Variants in HDAC4 observed in about 807,000 individuals in gnomAD.
The protein encoded by HDAC4 is histone deacetylase 4.
A neutral mutation model predicts 135.1 loss-of-function variants in HDAC4; 16 were observed. The ratio of observed to expected loss-of-function variants is 0.12; its 90% CI spans 0.08 to 0.18. The LOEUF is 0.18. HDAC4 is among the 10% of genes least tolerant of loss of function. HDAC4 has a pLI of 1.00. For missense variants in HDAC4, 1,143 were observed against 1,511.8 expected (o/e 0.76, Z 4.05); for synonymous variants, 685 against 653.4 (o/e 1.05, Z -0.74).
At chr2:239,119,645 G>A (rs575603467) in intron 12 of HDAC4, among the ~76,000 whole-genome samples, 1 of 152,044 alleles carries the variant, frequency 6.6e-6, no homozygotes, top group African/African-American at 2.4e-5. Flanking sequence ...GAGGGTGCGG[G>A]GACCAGACCT....
At chr2:239,280,847 CACAATGTACACACCTCT>C (rs1456971277) in intron 2 of HDAC4, among the ~76,000 whole-genome samples, 3 of 140,066 alleles carry the variant, frequency 2.1e-5, no homozygotes, top group African/African-American at 9.4e-5. Flanking sequence ...CCACTCTCCA[CACAATGTACACACCTCT>C]ACAATGTACA....
intron 3 of HDAC4, among the ~76,000 whole-genome samples, chr2:239,222,867 A>C (rs935574151): frequency 6.6e-6 from 1 of 152,204 alleles, no homozygotes; most frequent in Non-Finnish European, 1.5e-5. Flanking sequence ...CGGGAGATGC[A>C]GCCAGTAAGC....
chr2:239,058,243 A>G (rs1483173418), intron 24 of HDAC4, among the ~76,000 whole-genome samples: 1 of 152,248 alleles, frequency 6.6e-6, no homozygotes, highest in Non-Finnish European at 1.5e-5. Flanking sequence ...AATAGGTTGC[A>G]TATCTTTGGA....
chr2:239,164,530 G>A (rs1014630094), intron 5 of HDAC4, among the ~76,000 whole-genome samples: 3 of 152,176 alleles, frequency 2.0e-5, no homozygotes, highest in Non-Finnish European at 4.4e-5. Flanking sequence ...CTTTTTCAAA[G>A]CCTCATTAAA....
intron 3 of HDAC4, among the ~76,000 whole-genome samples, chr2:239,206,425 T>C (rs1465662098): frequency 6.6e-6 from 1 of 151,914 alleles, no homozygotes; most frequent in Non-Finnish European, 1.5e-5. Context: ...CACATGGGTA[T>C]GGCTGGTTGC....
At position 239,370,643 on chromosome 2, in the gene HDAC4, G is replaced by A. The variant is rs1019002785; in HGVS notation, c.-219-17725C>T. The stretch of plus-strand genomic sequence containing the variant: ...TAGTGCAGAGCTGATCCTGCACAGC[G>A]GCCTCCGGGAGAGCAGGACTCTTGT... On this transcript the variant is annotated intron_variant, in intron 1 of 26. Coordinates refer to ENST00000543185, the MANE Select transcript of HDAC4 (RefSeq NM_001378414.1). 5.9e-5 allele frequency among the ~76,000 whole-genome samples: 9 copies of A among 152,214 alleles called. No homozygotes were observed. In the South Asian group the frequency reaches 1.0e-3, roughly 18 times the overall value.
At position 239,183,071 on chromosome 2, in the gene HDAC4, C is replaced by T. The variant is rs1244300269; in HGVS notation, c.340-6508G>A. 2.6e-5 allele frequency among the ~76,000 whole-genome samples: 4 copies of T among 152,198 alleles called. No individual in the cohort carries two copies. In the East Asian group the frequency reaches 7.7e-4, roughly 29 times the overall value. Reference sequence around the variant, plus strand: ...AGGGCTGTTGGGAAGCAATTTTTTGCAGACTGAAACTATAATGAGCAATTT... The same window carrying T: ...AGGGCTGTTGGGAAGCAATTTTTTGTAGACTGAAACTATAATGAGCAATTT... On this transcript the variant is annotated intron_variant, in intron 4 of 26. Coordinates refer to ENST00000543185, the MANE Select transcript of HDAC4 (RefSeq NM_001378414.1).
intron 19 of HDAC4, among the ~76,000 whole-genome samples, chr2:239,085,250 A>G (rs1474655163): frequency 1.3e-5 from 2 of 152,190 alleles, no homozygotes; most frequent in African/African-American, 4.8e-5. Flanking sequence ...ATTCCAATAC[A>G]TAAATTACCT....
chr2:239,363,681 C>A (rs1387943641), intron 1 of HDAC4, among the ~76,000 whole-genome samples: 1 of 152,042 alleles, frequency 6.6e-6, no homozygotes, highest in Non-Finnish European at 1.5e-5. Flanking sequence ...CAAAGATAGA[C>A]AGATGTTAAA....
In HDAC4 at chr2:239,148,568, C is replaced by T. The variant is rs112744589; in HGVS notation, c.734-3854G>A. On this transcript the variant is annotated intron_variant, in intron 7 of 26. Coordinates refer to ENST00000543185, the MANE Select transcript of HDAC4 (RefSeq NM_001378414.1). Reference sequence around the variant, plus strand: ...GGCAACAGCCACATCGAGGGCAAGACGATGACCTGAAAACCCTGCAGGAAA... The same window carrying T: ...GGCAACAGCCACATCGAGGGCAAGATGATGACCTGAAAACCCTGCAGGAAA... Among the ~76,000 whole-genome samples the T allele has an allele frequency of 3.8e-3, 572 of 152,314 alleles. 7 individuals are homozygous for T. Among genetic ancestry groups the T allele is most frequent in the African/African-American group, 0.013 (551 of 41,566 alleles).
intron 6 of HDAC4, among the ~76,000 whole-genome samples, chr2:239,158,947 A>G (rs771712457): frequency 2.3e-4 from 35 of 151,806 alleles, no homozygotes; most frequent in Middle Eastern, 3.4e-3. Flanking sequence ...AACTGGTAAC[A>G]CTCACATCCG....
rs559514004 is a variant in HDAC4 at position 239,157,957 on chromosome 2, C to T, written c.612-1184G>A. On this transcript the variant is annotated intron_variant, in intron 6 of 26. Coordinates refer to ENST00000543185, the MANE Select transcript of HDAC4 (RefSeq NM_001378414.1). ...CGGAAAACTGCACAGCTTCAGGCCA[C>T]GCCCCAACCCCGCCCACTGCTCAGG... is the stretch of plus-strand genomic sequence containing the variant. Among the ~76,000 whole-genome samples the T allele has an allele frequency of 5.1e-4, 78 of 152,322 alleles. 1 individual carries two copies. Among genetic ancestry groups the T allele is most frequent in the Middle Eastern group, 3.4e-3 (1 of 294 alleles).
chr2:239,284,843 C>A (rs1473407064), intron 2 of HDAC4, among the ~76,000 whole-genome samples: 2 of 152,224 alleles, frequency 1.3e-5, no homozygotes, highest in Non-Finnish European at 1.5e-5. Flanking sequence ...GGGCTGCAGA[C>A]TGGGGAGACC....
intron 1 of HDAC4, among the ~76,000 whole-genome samples, chr2:239,395,033 G>C (rs560105815): frequency 6.6e-6 from 1 of 152,328 alleles, no homozygotes; most frequent in East Asian, 1.9e-4. Flanking sequence ...GGGATCAAAG[G>C]ATGAGAGGAT....
chr2:239,082,010 G>T, intron 21 of HDAC4, 92 bp downstream of exon 21: 3 of 1,413,644 alleles, frequency 2.1e-6, no homozygotes, highest in Non-Finnish European at 3.0e-6. Flanking sequence ...ACTCACTGCT[G>T]CCGGGCAGCT....
At position 239,344,669 on chromosome 2, in the gene HDAC4, C is replaced by T. The variant is rs377419707; in HGVS notation, c.22+8009G>A. Among the ~76,000 whole-genome samples, 28 of 152,172 alleles carry T rather than the reference C, an allele frequency of 1.8e-4. No individual in the cohort carries two copies. In the South Asian group the frequency reaches 5.6e-3, roughly 30 times the overall value. On this transcript the variant is annotated intron_variant, in intron 2 of 26. Coordinates refer to ENST00000543185, the MANE Select transcript of HDAC4 (RefSeq NM_001378414.1). ...GACAATCTGAGAGCTGCAGACGCCC[C>T]GTGCCGGGTGGCTGGGAGGATGCAC...
At chr2:239,200,962 T>C (rs995849370) in intron 3 of HDAC4, among the ~76,000 whole-genome samples, 4 of 151,882 alleles carry the variant, frequency 2.6e-5, no homozygotes, top group Non-Finnish European at 4.4e-5. Flanking sequence ...GAGCAGGAGG[T>C]GGGAGAGGGC....
At chr2:239,113,388 A>T (rs907888856) in intron 13 of HDAC4, among the ~76,000 whole-genome samples, 13 of 152,318 alleles carry the variant, frequency 8.5e-5, no homozygotes, top group Admixed American at 2.0e-4. Context: ...GACCAAATTC[A>T]GCTGGGATTG....
chr2:239,137,699 A>T (rs1455456968), intron 9 of HDAC4, among the ~76,000 whole-genome samples: 1 of 152,112 alleles, frequency 6.6e-6, no homozygotes, highest in Non-Finnish European at 1.5e-5. Context: ...ACCACGTGAG[A>T]ACGGAGAGCC....
Sources: gnomAD v4.1 joint callset for allele counts (sites outside exome capture counted in the v4.1 genomes callset) on GRCh38, gnomAD v4.1.1 for gene constraint, MANE v1.5 for transcripts, NCBI Gene and HGNC (gene_info 2026-07-23, HGNC 2026-07-21) for gene names.